PATJ: variants seen among roughly 807,000 people sequenced by gnomAD.
PATJ encodes PATJ crumbs cell polarity complex component, also known as inaD-like protein.
PATJ carries 190 observed loss-of-function variants against 224.9 expected under a neutral mutation model. That is an observed-to-expected ratio of 0.84 (90% CI 0.75 to 0.95). The LOEUF (loss-of-function observed/expected upper bound fraction) is 0.95. Ranked by LOEUF, PATJ falls within the 40% of genes least tolerant of loss-of-function variation. The pLI is 0.00. For synonymous variants in PATJ, 769 were observed against 820.3 expected (o/e 0.94, Z 1.07); for missense variants, 2,121 against 2,270.3 (o/e 0.93, Z 1.34).
chr1:62,090,991 T>C (rs1570549525), intron 33 of PATJ, among the ~76,000 whole-genome samples: 1 of 152,310 alleles, frequency 6.6e-6, no homozygotes, highest in South Asian at 2.1e-4. Context: ...CTAAATCCTT[T>C]ATCTTGGATT....
At chr1:61,829,547 C>G (rs191563300) in intron 16 of PATJ, among the ~76,000 whole-genome samples, 277 of 152,322 alleles carry the variant, frequency 1.8e-3, no homozygotes, top group African/African-American at 6.3e-3. Flanking sequence ...GTCAACCTTC[C>G]TGCCCATTAG....
chr1:62,151,836 C>CT (rs1356703580), intron 42 of PATJ, among the ~76,000 whole-genome samples: 2 of 152,168 alleles, frequency 1.3e-5, no homozygotes, highest in African/African-American at 4.8e-5. Flanking sequence ...GTCTGGGTTT[C>CT]TGCCTTTTGA....
chr1:62,073,186 T>G, intron 31 of PATJ: 1 of 985,356 alleles, frequency 1.0e-6, no homozygotes. Flanking sequence ...TGCAATGAGA[T>G]CAGATCTTTT....
At chr1:62,003,160 T>G (rs1645891334) in intron 28 of PATJ, among the ~76,000 whole-genome samples, 1 of 152,214 alleles carries the variant, frequency 6.6e-6, no homozygotes, top group African/African-American at 2.4e-5. Flanking sequence ...TCCTTTGCCA[T>G]GCAGCTAATG....
chr1:62,119,539 C>CT (rs531183426), intron 37 of PATJ, among the ~76,000 whole-genome samples: 2 of 152,222 alleles, frequency 1.3e-5, no homozygotes, highest in South Asian at 4.1e-4. Flanking sequence ...TTTAAAATGA[C>CT]TTTCCCCCAA....
chr1:61,859,461 T>C (rs1461566986), intron 18 of PATJ, among the ~76,000 whole-genome samples: 1 of 151,864 alleles, frequency 6.6e-6, no homozygotes, highest in Non-Finnish European at 1.5e-5. Flanking sequence ...ACATCTGGGG[T>C]CTTCTGGGAA....
At chr1:61,889,176 C>A (rs1026090349) in intron 22 of PATJ, among the ~76,000 whole-genome samples, 1 of 152,176 alleles carries the variant, frequency 6.6e-6, no homozygotes, top group Admixed American at 6.5e-5. Flanking sequence ...TTCTTCCTTG[C>A]ATTAATTTTT....
At chr1:62,108,577 G>T in intron 34 of PATJ, 57 bp downstream of exon 34, 1 of 1,029,960 alleles carries the variant, frequency 9.7e-7, no homozygotes, top group South Asian at 1.4e-5. Context: ...TGCTGGTCTC[G>T]ATCCATAAAG....
At chr1:61,814,175 G>C (rs1032393855) in intron 14 of PATJ, among the ~76,000 whole-genome samples, 17 of 117,090 alleles carry the variant, frequency 1.5e-4, no homozygotes, top group Non-Finnish European at 2.2e-4. Context: ...ATTCAGTCTC[G>C]CTCTGTTGCC....
chr1:62,081,409 T>G (rs1035078168), intron 32 of PATJ, among the ~76,000 whole-genome samples: 1 of 152,112 alleles, frequency 6.6e-6, no homozygotes, highest in Non-Finnish European at 1.5e-5. Context: ...ATGAGAGAAG[T>G]AAATAAAAAG....
intron 26 of PATJ, among the ~76,000 whole-genome samples, chr1:61,922,920 G>A (rs1367029801): frequency 6.6e-6 from 1 of 152,194 alleles, no homozygotes; most frequent in Non-Finnish European, 1.5e-5. Context: ...GAATGAACTT[G>A]TTACTACTCC....
chr1:61,808,384 A>ATT, intron 13 of PATJ, 90 bp from the exon 14 acceptor site: 1 of 760,226 alleles, frequency 1.3e-6, no homozygotes, highest in Non-Finnish European at 2.3e-6. Context: ...AGAGTTATCA[A>ATT]TATATAGGTT....
chr1:62,120,466 GT>G (rs201845738), intron 37 of PATJ, among the ~76,000 whole-genome samples: 1,607 of 152,226 alleles, frequency 0.011, 23 homozygotes, highest in African/African-American at 0.037. Flanking sequence ...TATTTGCAAT[GT>G]TTTCGTCTAC....
chr1:62,104,569 G>A (rs1307556259), intron 33 of PATJ, among the ~76,000 whole-genome samples: 1 of 151,980 alleles, frequency 6.6e-6, no homozygotes, highest in Non-Finnish European at 1.5e-5. Flanking sequence ...TACACTAGAT[G>A]AATTAAACAC....
rs2498982 is a variant in PATJ, at chr1:62,051,011, G to A, written c.4078G>A (p.Val1360Ile). 1.2e-6 allele frequency: 2 copies of A among 1,613,578 alleles called. No individual in the cohort carries two copies. The highest frequency in any genetic ancestry group is 4.5e-5 in the East Asian group (2 of 44,868). ...EPISSEEDGS[V>I]EVGIKQLPES... ...TATTAGTAGTGAGGAAGATGGCAGC[G>A]TCGAAGTTGGTATTAAACAATTGCC... The change falls in exon 31 of 44, where the codon GTC (valine) becomes ATC (isoleucine). Residue 1360 changes from valine (V) to isoleucine (I), a missense_variant. Transcript: ENST00000642238.
Position 61,920,724 on chromosome 1 carries a change from T to TC in PATJ, c.3570+6060_3570+6061insC, listed in dbSNP as rs1553204712. On this transcript the variant is annotated intron_variant, in intron 26 of 43. Transcript: ENST00000642238. ...ATTCTTTTTTTTTTTTTTTTTTTTT[T>TC]TGAGACAGAGTCTCGCTCTGTTGCC... Among the ~76,000 whole-genome samples, 1,290 of 145,206 alleles carry TC rather than the reference T, an allele frequency of 8.9e-3. 23 individuals carry two copies. Among genetic ancestry groups the TC allele is most frequent in the African/African-American group, 0.032 (1,206 of 37,156 alleles).
At chr1:61,813,334 CATATATATATATATATATATAT>C (rs747640923) in intron 14 of PATJ, among the ~76,000 whole-genome samples, 969 of 63,066 alleles carry the variant, frequency 0.015, 20 homozygotes, top group Middle Eastern at 0.08. Flanking sequence ...ATGGAATGTA[CATATATATATATATATATATAT>C]ATATATATAT....
chr1:61,780,029 A>G (rs1031353928), intron 7 of PATJ, among the ~76,000 whole-genome samples: 2 of 152,232 alleles, frequency 1.3e-5, no homozygotes, highest in African/African-American at 4.8e-5. Context: ...ATTCACCCCC[A>G]TGACCCAAAC....
At position 61,939,676 on chromosome 1, in the gene PATJ, C is replaced by CTTTTTTTTTTTTTTTTTT. The variant is rs71050183; in HGVS notation, c.3670+11856_3670+11873dup. ...AGCATGTATAAAAAGTTTCTATGTG[C>CTTTTTTTTTTTTTTTTTT]TTTTTTTTTTTTTTTTTTTTTTTTT... is the stretch of plus-strand genomic sequence containing the variant. On this transcript the variant is annotated intron_variant, in intron 27 of 43. Coordinates refer to ENST00000642238, the MANE Select transcript of PATJ (RefSeq NM_001350145.3). Among the ~76,000 whole-genome samples, 3 of 58,874 alleles carry CTTTTTTTTTTTTTTTTTT rather than the reference C, an allele frequency of 5.1e-5. 1 individual carries two copies. The highest frequency in any genetic ancestry group is 9.4e-5 in the African/African-American group (1 of 10,670). The allele number at this position is 58,874 out of a possible 152,430, so 38.6% of individuals were successfully genotyped here. A position where few individuals can be genotyped will look rare whatever the true frequency, so the allele number is the denominator to read the frequency against.
Sources: gnomAD v4.1 joint callset for allele counts (sites outside exome capture counted in the v4.1 genomes callset) on GRCh38, gnomAD v4.1.1 for gene constraint, MANE v1.5 for transcripts, NCBI Gene and HGNC (gene_info 2026-07-23, HGNC 2026-07-21) for gene names.